The following TEK variants were observed in gnomAD, a reference collection of about 807,000 sequenced individuals.
TEK encodes angiopoietin-1 receptor.
A neutral mutation model predicts 131.8 loss-of-function variants in TEK; 43 were observed. The observed-to-expected ratio is 0.33, with a 90% CI of 0.26 to 0.42. The LOEUF (loss-of-function observed/expected upper bound fraction) is 0.42. TEK is among the 10% of genes least tolerant of loss of function. TEK has a pLI of 1.00. For missense variants in TEK, 1,162 were observed against 1,384.4 expected (o/e 0.84, Z 2.55); for synonymous variants, 580 against 491.6 (o/e 1.18, Z -2.38).
At chr9:27,136,082 G>GTTA (rs1554689009) in intron 1 of TEK, among the ~76,000 whole-genome samples, 9 of 99,196 alleles carry the variant, frequency 9.1e-5, no homozygotes, top group African/African-American at 2.7e-4. Flanking sequence ...TCCCAGGGCA[G>GTTA]TTATTTTTTT....
chr9:27,158,087 A>C lies in TEK; in HGVS notation c.309A>C (p.Glu103Asp), dbSNP rs572527340. The C allele has an allele frequency of 4.4e-4, 703 of 1,614,190 alleles. 10 individuals carry two copies. In the South Asian group the frequency reaches 7.0e-3, roughly 16 times the overall value. Residue 103 changes from glutamate to aspartate, a missense_variant, in exon 2 of 23, where the codon GAA becomes GAC. This residue lies in a region of TEK where 436 missense variants were observed against 539.1 expected (regional missense o/e 0.81). Coordinates refer to ENST00000380036, the MANE Select transcript of TEK (RefSeq NM_000459.5). The part of the protein sequence containing the change: ...ASKINGAYFC[E>D]GRVRGEAIRI... The stretch of plus-strand genomic sequence containing the variant: ...AGATCAATGGTGCTTATTTCTGTGA[A>C]GGGCGAGTTCGAGGAGAGGCAATCA...
chr9:27,121,527 T>G (rs1039395704), intron 1 of TEK, among the ~76,000 whole-genome samples: 1 of 150,114 alleles, frequency 6.7e-6, no homozygotes, highest in African/African-American at 2.4e-5. Context: ...TATTTTTATA[T>G]GTATAAATAT....
At chr9:27,224,666 A>C (rs10967780) in intron 21 of TEK, among the ~76,000 whole-genome samples, 53,179 of 152,024 alleles carry the variant, frequency 0.35, 9,510 homozygotes, top group African/African-American at 0.4. Flanking sequence ...AATGGACAAA[A>C]GCTGGAAGCA....
chr9:27,217,804 A>AACAT (rs1564105831), intron 19 of TEK, 46 bp downstream of exon 19: 1 of 1,529,584 alleles, frequency 6.5e-7, no homozygotes, highest in Non-Finnish European at 9.1e-7. Context: ...CCCTCCCAGA[A>AACAT]ACATATACAT....
chr9:27,158,115 A>C lies in TEK; in HGVS notation c.337A>C (p.Ile113Leu), dbSNP rs768915163. The change falls in exon 2 of 23, where the codon ATA (isoleucine) becomes CTA (leucine). Residue 113 changes from isoleucine to leucine, a missense_variant. Transcript: ENST00000380036. Reference protein sequence around the residue: ...EGRVRGEAIRIRTMKMRQQAS... With the variant: ...EGRVRGEAIRLRTMKMRQQAS... ...GCGAGTTCGAGGAGAGGCAATCAGGATACGAACCATGAAGATGCGTCAACA... is the reference window on the plus strand; with the variant it reads ...GCGAGTTCGAGGAGAGGCAATCAGGCTACGAACCATGAAGATGCGTCAACA... 6.2e-7 allele frequency: 1 copy of C among 1,614,084 alleles called. No individual in the cohort carries two copies. Among genetic ancestry groups the C allele is most frequent in the African/African-American group, 1.3e-5 (1 of 74,936 alleles).
At chr9:27,203,935 C>G (rs1043063835) in intron 13 of TEK, among the ~76,000 whole-genome samples, 2 of 152,190 alleles carry the variant, frequency 1.3e-5, no homozygotes, top group Non-Finnish European at 2.9e-5. Flanking sequence ...TCAAACAAGT[C>G]GCTTTAACAG....
At chr9:27,197,690 AT>A (rs551471613) in intron 12 of TEK, 91 bp downstream of exon 12, 407 of 1,526,280 alleles carry the variant, frequency 2.7e-4, no homozygotes, top group Middle Eastern at 4.4e-4. Context: ...ACTATTGGAA[AT>A]TATGAAAGAA....
At chr9:27,210,210 A>G (rs1825552423) in intron 16 of TEK, 1 of 152,194 alleles carries the variant, frequency 6.6e-6, no homozygotes, top group Admixed American at 6.6e-5. Context: ...TTTTTGAGCT[A>G]CTTCCTGAAA....
At chr9:27,129,481 C>T (rs1230135318) in intron 1 of TEK, among the ~76,000 whole-genome samples, 1 of 152,140 alleles carries the variant, frequency 6.6e-6, no homozygotes, top group Non-Finnish European at 1.5e-5. Flanking sequence ...CATGCCACTT[C>T]CCCCTTGCAT....
intron 11 of TEK, chr9:27,195,725 A>G (rs1824981627): frequency 2.2e-6 from 1 of 455,868 alleles, no homozygotes; most frequent in Non-Finnish European, 4.4e-6. Context: ...CAGTGTTAAT[A>G]GAGCCCCTAA....
intron 1 of TEK, among the ~76,000 whole-genome samples, chr9:27,129,509 A>C (rs1296927184): frequency 6.6e-6 from 1 of 152,178 alleles, no homozygotes; most frequent in Admixed American, 6.5e-5. Flanking sequence ...ACTTGGCAGA[A>C]CAAAAACCAG....
At chr9:27,140,258 A>G (rs1822673175) in intron 1 of TEK, among the ~76,000 whole-genome samples, 1 of 152,126 alleles carries the variant, frequency 6.6e-6, no homozygotes, top group African/African-American at 2.4e-5. Context: ...CTTAGTCCCA[A>G]TTCTTGTGGT....
At chr9:27,201,080 ATTGT>A (rs1449287040) in intron 12 of TEK, among the ~76,000 whole-genome samples, 1 of 152,164 alleles carries the variant, frequency 6.6e-6, no homozygotes, top group Non-Finnish European at 1.5e-5. Flanking sequence ...CCGTTTCTAA[ATTGT>A]TTAAGGTCTG....
chr9:27,223,713 G>C (rs1318478481), intron 21 of TEK, among the ~76,000 whole-genome samples: 1 of 152,108 alleles, frequency 6.6e-6, no homozygotes. Context: ...AAGAACTAGA[G>C]AAGCAACAGC....
At chr9:27,110,708 A>G (rs1352461186) in intron 1 of TEK, among the ~76,000 whole-genome samples, 3 of 152,208 alleles carry the variant, frequency 2.0e-5, no homozygotes, top group African/African-American at 4.8e-5. Context: ...AACAAATCCA[A>G]TGAAATAACT....
At chr9:27,212,240 T>G (rs529716983) in intron 16 of TEK, among the ~76,000 whole-genome samples, 86 of 152,292 alleles carry the variant, frequency 5.6e-4, no homozygotes, top group African/African-American at 2.0e-3. Flanking sequence ...TCCTTCCACA[T>G]GGATATTTAA....
chr9:27,198,145 T>C (rs1342231610), intron 12 of TEK: 1 of 169,320 alleles, frequency 5.9e-6, no homozygotes, highest in East Asian at 1.6e-4. Context: ...TTCTTTGTAG[T>C]ATTGAAAGTC....
intron 3 of TEK, among the ~76,000 whole-genome samples, chr9:27,169,154 A>G (rs1240013149): frequency 1.3e-5 from 2 of 152,200 alleles, no homozygotes; most frequent in African/African-American, 4.8e-5. Flanking sequence ...GTTAGTTGAC[A>G]GGGTTACCTA....
rs1825344622 is a variant in TEK at position 27,204,785 on chromosome 9, T to C, written c.2210-126T>C. On this transcript the variant is annotated intron_variant, in intron 13 of 22. Transcript: ENST00000380036. ...AAATGAGTAGCCCGAGGTCATATAG[T>C]GGTTAGGTGGCAGGGTTAAGGCTGC... is the stretch of plus-strand genomic sequence containing the variant. 21 of 1,220,310 alleles carry C rather than the reference T, an allele frequency of 1.7e-5. No individual in the cohort carries two copies. The South Asian group carries it at 2.1e-4, about 12-fold the overall frequency. The allele number at this position is 1,220,310 out of a possible 1,614,324, so 75.6% of individuals were successfully genotyped here.
Sources: allele counts gnomAD v4.1 joint callset (sites outside exome capture counted in the v4.1 genomes callset), GRCh38; gene constraint gnomAD v4.1.1; regional missense constraint gnomAD v4.1.1; transcripts MANE v1.5; gene names NCBI Gene and HGNC (gene_info 2026-07-23, HGNC 2026-07-21).